The following ADAMTS14 variants were observed in gnomAD, a reference collection of about 807,000 sequenced individuals.
ADAMTS14 encodes A disintegrin and metalloproteinase with thrombospondin motifs 14.
Under a neutral mutation model 128.6 loss-of-function variants are expected in ADAMTS14, and 100 were observed. That is an observed-to-expected ratio of 0.78 (90% CI 0.66 to 0.92). The LOEUF (loss-of-function observed/expected upper bound fraction) is 0.92. Among genes scored for constraint, ADAMTS14 ranks in the 40% least tolerant of loss-of-function variants. The pLI is 0.00. For missense variants in ADAMTS14, 1,562 were observed against 1,658.6 expected (o/e 0.94, Z 1.01); for synonymous variants, 665 against 653.8 (o/e 1.02, Z -0.26).
chr10:70,745,348 C>A, intron 15 of ADAMTS14, 42 bp downstream of exon 15: 2 of 1,604,090 alleles, frequency 1.2e-6, no homozygotes, highest in Non-Finnish European at 1.7e-6. Context: ...GGGCCCCAGG[C>A]CCTGCCCTCT....
At chr10:70,714,963 A>G (rs199772203) in intron 4 of ADAMTS14, among the ~76,000 whole-genome samples, 6,649 of 139,610 alleles carry the variant, frequency 0.048, 263 homozygotes, top group East Asian at 0.075. Flanking sequence ...AAAAAAAAAA[A>G]AAAAAAAAAG....
chr10:70,748,592 A>G (rs984764676), intron 15 of ADAMTS14, among the ~76,000 whole-genome samples: 3 of 152,210 alleles, frequency 2.0e-5, no homozygotes, highest in Admixed American at 6.5e-5. Context: ...CCCAGCTCCA[A>G]CTGTTGCCCA....
intron 3 of ADAMTS14, among the ~76,000 whole-genome samples, chr10:70,705,060 C>T (rs950773930): frequency 6.6e-6 from 1 of 152,144 alleles, no homozygotes; most frequent in African/African-American, 2.4e-5. Context: ...CACACACATG[C>T]TCATATACAC....
At position 70,674,858 on chromosome 10, in the gene ADAMTS14, G is replaced by C; in HGVS notation, c.385G>C (p.Val129Leu). The C allele has an allele frequency of 6.2e-7, 1 of 1,614,000 alleles. No individual in the cohort carries two copies. Among genetic ancestry groups the C allele is most frequent in the Non-Finnish European group, 8.5e-7 (1 of 1,180,048 alleles). ...LRLRPNRRLV[V>L]PGSSVEWQED... ...CCTGCGGCCCAATCGGAGGTTGGTA[G>C]TGCCAGGATCCTCAGTGGAGTGGCA... The change falls in exon 2 of 22, where the codon GTG becomes CTG. Residue 129 changes from valine (V) to leucine (L), a missense_variant. Physicochemically the swap from Val to Leu is conservative, Grantham distance 32. Transcript: ENST00000373207.
chr10:70,715,387 C>T (rs1346435112), intron 4 of ADAMTS14, among the ~76,000 whole-genome samples: 1 of 152,120 alleles, frequency 6.6e-6, no homozygotes, highest in East Asian at 1.9e-4. Flanking sequence ...CTCCTACAGT[C>T]TCTGCTTGGT....
chr10:70,681,769 C>G (rs1213592781), intron 2 of ADAMTS14, among the ~76,000 whole-genome samples: 2 of 152,232 alleles, frequency 1.3e-5, no homozygotes, highest in South Asian at 4.1e-4. Flanking sequence ...GACCTACCCC[C>G]TCCCAGACAC....
chr10:70,721,001 G>T (rs1490148085), intron 4 of ADAMTS14, among the ~76,000 whole-genome samples: 1 of 149,634 alleles, frequency 6.7e-6, no homozygotes, highest in Non-Finnish European at 1.5e-5. Flanking sequence ...TATTAGAAGA[G>T]AGCTTTTTCT....
At position 70,752,073 on chromosome 10, in the gene ADAMTS14, C is replaced by A. The variant is rs190430132; in HGVS notation, c.2597-22C>A. Reference sequence around the variant, plus strand: ...GGGGGGCCTGGCTGGACTAGGCCCACGGCAGCCTGCCCACCCCATAGGGAT... The same window carrying A: ...GGGGGGCCTGGCTGGACTAGGCCCAAGGCAGCCTGCCCACCCCATAGGGAT... On this transcript the variant is annotated intron_variant, in intron 17 of 21. Coordinates refer to ENST00000373207, the MANE Select transcript of ADAMTS14 (RefSeq NM_080722.4). The A allele has an allele frequency of 3.3e-5, 52 of 1,598,822 alleles. No homozygotes were observed. The African/African-American group carries it at 6.5e-4, about 20-fold the overall frequency.
chr10:70,681,748 A>T (rs1232533410), intron 2 of ADAMTS14, among the ~76,000 whole-genome samples: 1 of 152,106 alleles, frequency 6.6e-6, no homozygotes, highest in Non-Finnish European at 1.5e-5. Flanking sequence ...GGAGGCTTGG[A>T]GTCTCACTGT....
Position 70,733,913 on chromosome 10 carries a change from A to G in ADAMTS14, c.1237A>G (p.Asn413Asp), listed in dbSNP as rs1263347837. 5.6e-6 allele frequency: 9 copies of G among 1,613,634 alleles called. No homozygotes were observed. Among genetic ancestry groups the G allele is most frequent in the Admixed American group, 1.7e-5 (1 of 59,980 alleles). The stretch of plus-strand genomic sequence containing the variant: ...CGGCATGGAGCATGACGGTCAGGGG[A>G]ATGGCTGTGCAGATGAGACCAGCCT... Reference protein sequence around the residue: ...VLGMEHDGQGNGCADETSLGS... With the variant: ...VLGMEHDGQGDGCADETSLGS... The change falls in exon 8 of 22, where the codon AAT becomes GAT. Residue 413 changes from asparagine (N) to aspartate (D), a missense_variant. By Grantham distance (23) the Asn-to-Asp change is conservative. Transcript: ENST00000373207.
rs756040828 is a variant in ADAMTS14 at position 70,674,842 on chromosome 10, C to T, written c.369C>T (p.Pro123=). The T allele has an allele frequency of 6.2e-7, 1 of 1,613,938 alleles. No individual in the cohort carries two copies. Among genetic ancestry groups the T allele is most frequent in the South Asian group, 1.1e-5 (1 of 91,078 alleles). The change falls in exon 2 of 22, where the codon CCC becomes CCT. Residue 123 remains proline, a synonymous_variant. Transcript: ENST00000373207. ...AGGAACTGCACTTGCGCCTGCGGCCCAATCGGAGGTTGGTAGTGCCAGGAT... is the reference window on the plus strand; with the variant it reads ...AGGAACTGCACTTGCGCCTGCGGCCTAATCGGAGGTTGGTAGTGCCAGGAT... The part of the protein sequence containing the change: ...FGKELHLRLR[P]NRRLVVPGSS...
rs572091645 is a variant in ADAMTS14 at position 70,676,950 on chromosome 10, TCTGA to T, written c.522+1959_522+1962del. ...GTGACAGGGCTAGGGCTCCAGCTTC[TCTGA>T]CTGCCCTCCTGGAGCGAGACACAGA... On this transcript the variant is annotated intron_variant, in intron 2 of 21. Coordinates refer to ENST00000373207, the MANE Select transcript of ADAMTS14 (RefSeq NM_080722.4). 7.9e-5 allele frequency among the ~76,000 whole-genome samples: 12 copies of T among 152,358 alleles called. No individual in the cohort carries two copies. The South Asian group carries it at 2.3e-3, about 29-fold the overall frequency.
At chr10:70,735,023 T>A in intron 8 of ADAMTS14, 146 bp from the exon 9 acceptor site, 1 of 1,036,344 alleles carries the variant, frequency 9.6e-7, no homozygotes, top group Non-Finnish European at 1.3e-6. Context: ...AGGCAGCCCG[T>A]CCTCCCTGGA....
At chr10:70,692,401 G>A (rs1840217958) in intron 2 of ADAMTS14, among the ~76,000 whole-genome samples, 2 of 152,202 alleles carry the variant, frequency 1.3e-5, no homozygotes, top group African/African-American at 4.8e-5. Context: ...AGAGAGGGCT[G>A]GTGCCGCACA....
At chr10:70,749,608 AGTGTGTGTGTGT>A (rs72483126) in intron 15 of ADAMTS14, among the ~76,000 whole-genome samples, 2 of 147,764 alleles carry the variant, frequency 1.4e-5, no homozygotes, top group Admixed American at 6.7e-5. Context: ...AGGCAGCAAG[AGTGTGTGTGTGT>A]GTGTGTGTGT....
At chr10:70,682,358 G>A (rs1046870466) in intron 2 of ADAMTS14, among the ~76,000 whole-genome samples, 2 of 152,182 alleles carry the variant, frequency 1.3e-5, no homozygotes, top group African/African-American at 4.8e-5. Context: ...TAATTCTTAA[G>A]CCATTGTATG....
chr10:70,729,266 T>C, intron 4 of ADAMTS14, 28 bp from the exon 5 acceptor site: 1 of 1,592,310 alleles, frequency 6.3e-7, no homozygotes, highest in Non-Finnish European at 8.6e-7. Flanking sequence ...AATGTTTCCT[T>C]CCCTTAAACT....
At chr10:70,745,765 C>A (rs1301533996) in intron 15 of ADAMTS14, among the ~76,000 whole-genome samples, 1 of 152,122 alleles carries the variant, frequency 6.6e-6, no homozygotes, top group Non-Finnish European at 1.5e-5. Context: ...GGTGGTTCTT[C>A]TACTTGTCTT....
At position 70,757,989 on chromosome 10, in the gene ADAMTS14, CA is replaced by C; in HGVS notation, c.2966del (p.Gln989ArgfsTer42). The C allele has an allele frequency of 6.2e-7, 1 of 1,612,860 alleles. No individual in the cohort carries two copies. Among genetic ancestry groups the C allele is most frequent in the South Asian group, 1.1e-5 (1 of 90,862 alleles). On this transcript the variant is annotated frameshift_variant, in exon 20 of 22. Transcript: ENST00000373207. ...QCSATCGEGI[Q>X]QRQVVCRTNA... is the part of the protein sequence containing the mutation. ...CTCTGCCACCTGTGGAGAGGGCATC[CA>C]GCAGCGGCAGGTGGTGTGCAGGACC... is the stretch of plus-strand genomic sequence containing the variant.
Sources: allele counts gnomAD v4.1 joint callset (sites outside exome capture counted in the v4.1 genomes callset), GRCh38; gene constraint gnomAD v4.1.1; transcripts MANE v1.5; gene names NCBI Gene and HGNC (gene_info 2026-07-23, HGNC 2026-07-21).